Variants in CDK7 observed in about 807,000 individuals in gnomAD.
CDK7 encodes cyclin-dependent kinase 7.
In CDK7, 25 loss-of-function variants were observed where a neutral mutation model predicts 49.1. The ratio of observed to expected loss-of-function variants is 0.51; its 90% CI spans 0.37 to 0.71. The LOEUF (loss-of-function observed/expected upper bound fraction) is 0.71. CDK7 is among the 30% of genes least tolerant of loss of function. The pLI is 0.00. For synonymous variants in CDK7, 107 were observed against 140.0 expected (o/e 0.76, Z 1.67); for missense variants, 316 against 411.7 (o/e 0.77, Z 2.01).
chr5:69,246,335 C>T (rs1749753359), intron 2 of CDK7, among the ~76,000 whole-genome samples: 1 of 152,062 alleles, frequency 6.6e-6, no homozygotes, highest in Admixed American at 6.6e-5. Context: ...TGGGGTTTCA[C>T]CATGTTGGCC....
At chr5:69,255,726 C>T (rs1750444771) in intron 5 of CDK7, 198 bp downstream of exon 5, 2 of 571,518 alleles carry the variant, frequency 3.5e-6, no homozygotes, top group South Asian at 3.9e-5. Flanking sequence ...GTGTTACATA[C>T]AAAGATTTGG....
At chr5:69,269,881 C>G (rs73127323) in intron 9 of CDK7, among the ~76,000 whole-genome samples, 25,714 of 150,588 alleles carry the variant, frequency 0.17, 3,549 homozygotes, top group African/African-American at 0.38. Flanking sequence ...GCGCACTTGG[C>G]TAACATGATT....
In CDK7 at chr5:69,244,728, T is replaced by G. The variant is rs150191570; in HGVS notation, c.127-7690T>G. ...TCTTGCTAGGACTTCCAGTACTATA[T>G]TGAATAACAGTGGTGAAAGTGGGCA... is the stretch of plus-strand genomic sequence containing the variant. On this transcript the variant is annotated intron_variant, in intron 2 of 11. Coordinates refer to ENST00000256443, the MANE Select transcript of CDK7 (RefSeq NM_001799.4). 1.3e-3 allele frequency among the ~76,000 whole-genome samples: 194 copies of G among 152,242 alleles called. 1 individual carries two copies. Among genetic ancestry groups the G allele is most frequent in the African/African-American group, 4.5e-3 (187 of 41,532 alleles).
intron 10 of CDK7, among the ~76,000 whole-genome samples, chr5:69,274,011 T>C (rs1166708499): frequency 6.6e-6 from 1 of 152,196 alleles, no homozygotes; most frequent in Non-Finnish European, 1.5e-5. Context: ...TATTTTTATG[T>C]CCATGTGTAC....
intron 8 of CDK7, among the ~76,000 whole-genome samples, chr5:69,267,728 C>A (rs2150225339): frequency 6.6e-6 from 1 of 152,184 alleles, no homozygotes; most frequent in South Asian, 2.1e-4. Context: ...TTTACATAGG[C>A]TTGTTCAAAT....
At chr5:69,247,320 C>T (rs12188874) in intron 2 of CDK7, among the ~76,000 whole-genome samples, 23,255 of 152,040 alleles carry the variant, frequency 0.15, 1,926 homozygotes, top group African/African-American at 0.21. Context: ...ACTGAATTGA[C>T]GCCTTTATCA....
chr5:69,235,696 T>C (rs1285192095), intron 2 of CDK7, among the ~76,000 whole-genome samples: 6 of 152,246 alleles, frequency 3.9e-5, no homozygotes, highest in Non-Finnish European at 8.8e-5. Flanking sequence ...AATTCATATG[T>C]TGTGGGCAAG....
intron 2 of CDK7, among the ~76,000 whole-genome samples, chr5:69,249,615 C>T (rs1229557239): frequency 1.3e-5 from 2 of 151,566 alleles, no homozygotes; most frequent in Non-Finnish European, 2.9e-5. Flanking sequence ...TGGGAGGCCA[C>T]GGTGGGTGGA....
Position 69,252,462 on chromosome 5 carries a change from C to T in CDK7, c.160+11C>T. The T allele has an allele frequency of 2.0e-6, 2 of 990,924 alleles. No homozygotes were observed. Among genetic ancestry groups the T allele is most frequent in the South Asian group, 1.5e-5 (1 of 67,600 alleles). The allele number at this position is 990,924 out of a possible 1,614,324, so 61.4% of individuals were successfully genotyped here. A position where few individuals can be genotyped will look rare whatever the true frequency, so the allele number is the denominator to read the frequency against. ...CAGAAGCTAAAGATGGTAAGTATTT[C>T]ATGTAATCTGACAGATAGGAAAAGT... On this transcript the variant is annotated intron_variant, in intron 3 of 11. Transcript: ENST00000256443.
Position 69,235,436 on chromosome 5 carries a change from A to G in CDK7, c.109A>G (p.Ile37Val), listed in dbSNP as rs748896779. The G allele has an allele frequency of 1.9e-6, 3 of 1,601,398 alleles. No homozygotes were observed. In the South Asian group the frequency reaches 3.3e-5, roughly 18 times the overall value. The change falls in exon 2 of 12, where the codon ATT becomes GTT. Residue 37 changes from isoleucine (I) to valine (V), a missense_variant. Ile to Val is a conservative substitution (Grantham distance 29, BLOSUM62 3). Coordinates refer to ENST00000256443, the MANE Select transcript of CDK7 (RefSeq NM_001799.4). ...YKARDKNTNQ[I>V]VAIKKIKLGH... ...GGCCAGAGATAAGAACACCAACCAAATTGTCGCCATTAAGAAAGTGAGTTA... is the reference window on the plus strand; with the variant it reads ...GGCCAGAGATAAGAACACCAACCAAGTTGTCGCCATTAAGAAAGTGAGTTA...
intron 2 of CDK7, among the ~76,000 whole-genome samples, chr5:69,247,190 G>C (rs976272337): frequency 2.0e-5 from 3 of 152,096 alleles, no homozygotes; most frequent in African/African-American, 7.2e-5. Flanking sequence ...GTGAAAGTGG[G>C]GGTGTTGAAG....
intron 10 of CDK7, 78 bp downstream of exon 10, chr5:69,273,119 T>TA: frequency 9.6e-7 from 1 of 1,043,874 alleles, no homozygotes; most frequent in Non-Finnish European, 1.3e-6. Flanking sequence ...TAGAATTTCA[T>TA]AAAATTAACA....
chr5:69,269,336 G>C, intron 9 of CDK7, 43 bp downstream of exon 9: 3 of 1,381,028 alleles, frequency 2.2e-6, no homozygotes, highest in South Asian at 2.5e-5. Context: ...TTAGGACTCT[G>C]TAAAGTTCTT....
chr5:69,249,867 A>G (rs577776302), intron 2 of CDK7, among the ~76,000 whole-genome samples: 1 of 152,340 alleles, frequency 6.6e-6, no homozygotes, highest in South Asian at 2.1e-4. Flanking sequence ...AGACTGATGC[A>G]TTCTTGAGTA....
intron 2 of CDK7, among the ~76,000 whole-genome samples, chr5:69,241,820 A>G (rs1335476511): frequency 6.6e-6 from 1 of 152,212 alleles, no homozygotes; most frequent in African/African-American, 2.4e-5. Context: ...ATCTCTTATC[A>G]GATGGATAGT....
At chr5:69,268,038 T>C (rs1751276448) in intron 8 of CDK7, among the ~76,000 whole-genome samples, 1 of 152,198 alleles carries the variant, frequency 6.6e-6, no homozygotes. Flanking sequence ...CTCTGCTCAC[T>C]GCAGCCTCCA....
At chr5:69,234,847 G>C (rs1483752333), upstream of CDK7, 1 of 911,158 alleles carries the variant, frequency 1.1e-6, no homozygotes, top group Non-Finnish European at 1.7e-6. Context: ...CCACGGAAGT[G>C]AGGCGGGGAT....
chr5:69,267,993 G>A (rs928633479), intron 8 of CDK7, among the ~76,000 whole-genome samples: 68 of 151,860 alleles, frequency 4.5e-4, no homozygotes, highest in Admixed American at 2.0e-4. Context: ...ATGGATTCTT[G>A]TTCTGTCGCC....
chr5:69,274,159 C>T (rs569365302), intron 10 of CDK7, among the ~76,000 whole-genome samples: 4 of 152,218 alleles, frequency 2.6e-5, no homozygotes, highest in African/African-American at 9.6e-5. Flanking sequence ...TAGTTTGAAA[C>T]TTAACAGAAA....
Sources: gnomAD v4.1 joint callset for allele counts (sites outside exome capture counted in the v4.1 genomes callset) on GRCh38, gnomAD v4.1.1 for gene constraint, MANE v1.5 for transcripts, NCBI Gene and HGNC (gene_info 2026-07-23, HGNC 2026-07-21) for gene names.